DERA: variants seen among roughly 807,000 people sequenced by gnomAD.
The protein encoded by DERA is deoxyribose-phosphate aldolase.
A neutral mutation model predicts 41.1 loss-of-function variants in DERA; 15 were observed. The ratio of observed to expected loss-of-function variants is 0.37; its 90% CI spans 0.24 to 0.56. DERA has a LOEUF of 0.56. DERA is among the 20% of genes least tolerant of loss of function. DERA has a pLI of 0.81. For missense variants in DERA, 396 were observed against 403.4 expected, an observed-to-expected ratio of 0.98 and a Z score of 0.16; for synonymous variants, 139 against 137.4, an observed-to-expected ratio of 1.01 and a Z score of -0.08.
chr12:15,926,663 G>A (rs1189174732), intron 1 of DERA, among the ~76,000 whole-genome samples: 6 of 151,236 alleles, frequency 4.0e-5, no homozygotes, highest in African/African-American at 1.5e-4. Flanking sequence ...GTGAACCCGG[G>A]AGGCGGAGCT....
rs940737841 is a variant in DERA, at chr12:15,995,971, A to G, written c.637+13535A>G. Among the ~76,000 whole-genome samples the G allele has an allele frequency of 6.6e-6, 1 of 152,126 alleles. No homozygotes were observed. The highest frequency in any genetic ancestry group is 1.5e-5 in the Non-Finnish European group (1 of 68,036). On this transcript the variant is annotated intron_variant, in intron 6 of 8. Transcript: ENST00000428559. The surrounding 1 kb of genome is among the most constrained non-coding windows in gnomAD (Gnocchi z 5.1). ...GAAGAATTTCGTCAGTGTCTGAATC[A>G]CCTGGAAATTGGGTGCGCCACATCA...
chr12:16,022,464 T>A (rs904124526), intron 6 of DERA, among the ~76,000 whole-genome samples: 1 of 152,202 alleles, frequency 6.6e-6, no homozygotes, highest in Non-Finnish European at 1.5e-5. Flanking sequence ...TAACACAGCA[T>A]ATGTTCAGAA....
rs1163423128 is a variant in DERA, at chr12:15,921,113, A to T, written c.31+9699A>T. ...CTGATAAGCAAAGTTTCTCTAAGCAAATATGGAAAGAAATAAGCCTTTTTA... is the reference window on the plus strand; with the variant it reads ...CTGATAAGCAAAGTTTCTCTAAGCATATATGGAAAGAAATAAGCCTTTTTA... On this transcript the variant is annotated intron_variant, in intron 1 of 8. Coordinates refer to ENST00000428559, the MANE Select transcript of DERA (RefSeq NM_015954.4). This position sits in a 1 kb window ranked among gnomAD's most constrained non-coding sequence, Gnocchi z 5.3. Among the ~76,000 whole-genome samples, 1 of 152,220 alleles carries T rather than the reference A, an allele frequency of 6.6e-6. No homozygotes were observed. Among genetic ancestry groups the T allele is most frequent in the Admixed American group, 6.5e-5 (1 of 15,284 alleles).
In DERA at chr12:15,981,528, T is replaced by A. The variant is rs1001769745; in HGVS notation, c.509-780T>A. On this transcript the variant is annotated intron_variant, in intron 5 of 8. Coordinates refer to ENST00000428559, the MANE Select transcript of DERA (RefSeq NM_015954.4). This position sits in a 1 kb window ranked among gnomAD's most constrained non-coding sequence, Gnocchi z 6.1. Reference sequence around the variant, plus strand: ...TTGACAAAAGACTTAAATAATTTTTTAAAGATTTAATACACATGATTTTGG... The same window carrying A: ...TTGACAAAAGACTTAAATAATTTTTAAAAGATTTAATACACATGATTTTGG... Among the ~76,000 whole-genome samples, 1 of 152,218 alleles carries A rather than the reference T, an allele frequency of 6.6e-6. No individual in the cohort carries two copies. Among genetic ancestry groups the A allele is most frequent in the South Asian group, 2.1e-4 (1 of 4,828 alleles).
rs1055667602 is a variant in DERA at position 15,983,264 on chromosome 12, G to T, written c.637+828G>T. 3.3e-5 allele frequency among the ~76,000 whole-genome samples: 5 copies of T among 151,966 alleles called. No homozygotes were observed. Among genetic ancestry groups the T allele is most frequent in the African/African-American group, 1.2e-4 (5 of 41,360 alleles). ...TCAGTGGTTTCCCTTCATCTTTATG[G>T]TAAAGTGTACATTCCTTGATTCTTA... On this transcript the variant is annotated intron_variant, in intron 6 of 8. Coordinates refer to ENST00000428559, the MANE Select transcript of DERA (RefSeq NM_015954.4). The surrounding 1 kb of genome is among the most constrained non-coding windows in gnomAD (Gnocchi z 6.2).
chr12:15,916,646 TCA>T (rs778886686), intron 1 of DERA, among the ~76,000 whole-genome samples: 1 of 152,052 alleles, frequency 6.6e-6, no homozygotes, highest in Non-Finnish European at 1.5e-5. Context: ...AGATGGGGTT[TCA>T]CAGTGTTGGC....
Position 16,008,164 on chromosome 12 carries a change from T to G in DERA, c.638-24378T>G, listed in dbSNP as rs1429178321. On this transcript the variant is annotated intron_variant, in intron 6 of 8. Coordinates refer to ENST00000428559, the MANE Select transcript of DERA (RefSeq NM_015954.4). The surrounding 1 kb of genome is among the most constrained non-coding windows in gnomAD (Gnocchi z 4.8). ...CACTGCAACAGGCCAGATAACACAG[T>G]TTCTTTTTCTCTGTTTCTTCAGCAA... 6.6e-6 allele frequency among the ~76,000 whole-genome samples: 1 copy of G among 152,216 alleles called. No individual in the cohort carries two copies. The highest frequency in any genetic ancestry group is 1.5e-5 in the Non-Finnish European group (1 of 68,046).
In DERA at chr12:16,003,229, G is replaced by C. The variant is rs1050308039; in HGVS notation, c.637+20793G>C. ...GTGATGATATGGTGTTCTTCATGTT[G>C]TATGTCTGTCTCTTCACCTGGTGTT... On this transcript the variant is annotated intron_variant, in intron 6 of 8. Transcript: ENST00000428559. This position sits in a 1 kb window ranked among gnomAD's most constrained non-coding sequence, Gnocchi z 4.8. 3.3e-5 allele frequency among the ~76,000 whole-genome samples: 5 copies of C among 152,138 alleles called. No individual in the cohort carries two copies. The highest frequency in any genetic ancestry group is 7.4e-5 in the Non-Finnish European group (5 of 68,022).
At chr12:15,953,782 A>C (rs984597599) in intron 1 of DERA, among the ~76,000 whole-genome samples, 2 of 152,220 alleles carry the variant, frequency 1.3e-5, no homozygotes, top group African/African-American at 4.8e-5. Context: ...AACAAAGGCC[A>C]ATCAGTCCTT....
rs1319119605 is a variant in DERA at position 15,915,696 on chromosome 12, G to A, written c.31+4282G>A. Reference sequence around the variant, plus strand: ...TACTGTGTGCAGACACTGTGCTTAGGTGCTGGGTATAATGATAGTGTCAAC... The same window carrying A: ...TACTGTGTGCAGACACTGTGCTTAGATGCTGGGTATAATGATAGTGTCAAC... On this transcript the variant is annotated intron_variant, in intron 1 of 8. Transcript: ENST00000428559. This position sits in a 1 kb window ranked among gnomAD's most constrained non-coding sequence, Gnocchi z 4.8. Among the ~76,000 whole-genome samples, 1 of 152,192 alleles carries A rather than the reference G, an allele frequency of 6.6e-6. No homozygotes were observed. The highest frequency in any genetic ancestry group is 1.5e-5 in the Non-Finnish European group (1 of 68,038).
chr12:15,932,286 AAT>A (rs1328702760), intron 1 of DERA, among the ~76,000 whole-genome samples: 1 of 152,154 alleles, frequency 6.6e-6, no homozygotes, highest in African/African-American at 2.4e-5. Flanking sequence ...TAGGTGTGTA[AAT>A]ATGTGTGTGT....
At chr12:15,987,600 A>G (rs1202074973) in intron 6 of DERA, among the ~76,000 whole-genome samples, 1 of 152,108 alleles carries the variant, frequency 6.6e-6, no homozygotes, top group Non-Finnish European at 1.5e-5. Context: ...TCGGACCCCA[A>G]GTACATGAGT....
In DERA at chr12:16,036,872, T is replaced by A. The variant is rs1338342814; in HGVS notation, c.*126T>A. 7.1e-6 allele frequency: 5 copies of A among 701,688 alleles called. No individual in the cohort carries two copies. The highest frequency in any genetic ancestry group is 1.2e-5 in the Non-Finnish European group (5 of 411,866). 43.5% of individuals were successfully genotyped at this position (701,688 alleles called of 1,614,324 possible). On this transcript the variant is annotated 3_prime_UTR_variant, in exon 9 of 9. Coordinates refer to ENST00000428559, the MANE Select transcript of DERA (RefSeq NM_015954.4). The surrounding 1 kb of genome is among the most constrained non-coding windows in gnomAD (Gnocchi z 4.9). ...AACTGGCATTCCTCTCTTTAAAATT[T>A]CTACCGAACTTAATGGAATGGAAAA...
In DERA at chr12:15,970,309, C is replaced by T. The variant is rs1027562565; in HGVS notation, c.508+7362C>T. The stretch of plus-strand genomic sequence containing the variant: ...ATTATTTTTAAGTGCCTTTGAATAG[C>T]AGGAAATATAGAAGGAAATATACTT... On this transcript the variant is annotated intron_variant, in intron 5 of 8. Coordinates refer to ENST00000428559, the MANE Select transcript of DERA (RefSeq NM_015954.4). The surrounding 1 kb of genome is among the most constrained non-coding windows in gnomAD (Gnocchi z 4.3). Among the ~76,000 whole-genome samples the T allele has an allele frequency of 8.5e-5, 13 of 152,222 alleles. No individual in the cohort carries two copies. The highest frequency in any genetic ancestry group is 3.1e-4 in the African/African-American group (13 of 41,534).
Position 16,013,548 on chromosome 12 carries a change from C to G in DERA, c.638-18994C>G, listed in dbSNP as rs1346669226. On this transcript the variant is annotated intron_variant, in intron 6 of 8. Transcript: ENST00000428559. This position sits in a 1 kb window ranked among gnomAD's most constrained non-coding sequence, Gnocchi z 5.8. ...GTTTCCTGAGGCCTCCCCAGCCATGCTGAACTGTGAGTCAGTTAAACTTCT... is the reference window on the plus strand; with the variant it reads ...GTTTCCTGAGGCCTCCCCAGCCATGGTGAACTGTGAGTCAGTTAAACTTCT... Among the ~76,000 whole-genome samples the G allele has an allele frequency of 6.6e-6, 1 of 152,220 alleles. No homozygotes were observed. Among genetic ancestry groups the G allele is most frequent in the Non-Finnish European group, 1.5e-5 (1 of 68,048 alleles).
chr12:15,929,015 A>T (rs943134522), intron 1 of DERA, among the ~76,000 whole-genome samples: 1 of 152,194 alleles, frequency 6.6e-6, no homozygotes, highest in Non-Finnish European at 1.5e-5. Context: ...CCTTTAGAGC[A>T]CTGGCTCAGC....
At chr12:15,971,632 T>C (rs1190792127) in intron 5 of DERA, among the ~76,000 whole-genome samples, 1 of 150,256 alleles carries the variant, frequency 6.7e-6, no homozygotes, top group Non-Finnish European at 1.5e-5. Flanking sequence ...TTCTCCTGCC[T>C]CAGCGTCCCG....
intron 5 of DERA, among the ~76,000 whole-genome samples, chr12:15,964,016 G>A (rs1948606508): frequency 6.6e-6 from 1 of 152,144 alleles, no homozygotes; most frequent in Non-Finnish European, 1.5e-5. Context: ...TAAAGTCCAG[G>A]GGTAGGTATT....
chr12:15,925,822 CTTTTTTTTTT>C (rs35956433), intron 1 of DERA, among the ~76,000 whole-genome samples: 1 of 95,288 alleles, frequency 1.0e-5, no homozygotes, highest in Non-Finnish European at 2.0e-5. Context: ...ACTCCTGAGG[CTTTTTTTTTT>C]TTTTTTTTTT....
Sources: allele counts gnomAD v4.1 joint callset (sites outside exome capture counted in the v4.1 genomes callset), GRCh38; gene constraint gnomAD v4.1.1; non-coding constraint Gnocchi (gnomAD v3.1); transcripts MANE v1.5; gene names NCBI Gene and HGNC (gene_info 2026-07-23, HGNC 2026-07-21).